The following FGF13 variants were observed in gnomAD, a reference collection of about 807,000 sequenced individuals.
FGF13 encodes the protein fibroblast growth factor homologous factor 2.
FGF13 carries 2 observed loss-of-function variants against 19.5 expected under a neutral mutation model. The ratio of observed to expected loss-of-function variants is 0.10; its 90% confidence interval spans 0.04 to 0.32. FGF13 has a LOEUF of 0.32. Among genes scored for constraint, FGF13 ranks in the 10% least tolerant of loss-of-function variants. The pLI is 1.00. For missense variants in FGF13, 113 were observed against 192.7 expected (o/e 0.59, Z 2.45); for synonymous variants, 72 against 76.9 (o/e 0.94, Z 0.33).
intron 3 of FGF13, among the ~76,000 whole-genome samples, chrX:138,832,172 T>C (rs1181547466): frequency 8.9e-6 from 1 of 112,438 alleles, no homozygotes. Flanking sequence ...TTTCAGTATA[T>C]ATCCAGTAAT....
At chrX:139,043,288 T>C (rs774604476) in intron 1 of FGF13, among the ~76,000 whole-genome samples, 2 of 110,865 alleles carry the variant, frequency 1.8e-5, no homozygotes, top group East Asian at 2.8e-4. Context: ...CTCGGCTCAC[T>C]GCAACCCCCG....
chrX:139,100,793 C>T (rs1020712357), intron 1 of FGF13, among the ~76,000 whole-genome samples: 2 of 111,207 alleles, frequency 1.8e-5, no homozygotes, highest in Non-Finnish European at 1.9e-5. Flanking sequence ...TTCACGGATG[C>T]AATCTCTTGT....
chrX:138,683,483 T>C (rs1009300492), intron 3 of FGF13, among the ~76,000 whole-genome samples: 3 of 110,348 alleles, frequency 2.7e-5, no homozygotes, highest in Non-Finnish European at 3.8e-5. Context: ...TCTTGTTGTA[T>C]AGGGTATTGA....
chrX:139,003,580 T>C (rs1216787783), intron 1 of FGF13, among the ~76,000 whole-genome samples: 1 of 106,151 alleles, frequency 9.4e-6, no homozygotes, highest in Non-Finnish European at 1.9e-5. Flanking sequence ...ATCCCTGAGC[T>C]AGATAAAAAG....
intron 1 of FGF13, among the ~76,000 whole-genome samples, chrX:139,059,430 AAGAGAG>A (rs769992893): frequency 1.1e-4 from 12 of 107,398 alleles, no homozygotes; most frequent in Middle Eastern, 4.7e-3. Flanking sequence ...TTAAAAAAAA[AAGAGAG>A]AGAGAGAGAG....
intron 3 of FGF13, among the ~76,000 whole-genome samples, chrX:138,822,262 G>A (rs2091004393): frequency 8.9e-6 from 1 of 111,996 alleles, no homozygotes; most frequent in African/African-American, 3.2e-5. Flanking sequence ...ACATAGTAAT[G>A]CTACGGATTG....
chrX:138,663,181 C>T (rs998347638), intron 3 of FGF13, among the ~76,000 whole-genome samples: 3 of 111,316 alleles, frequency 2.7e-5, no homozygotes, highest in South Asian at 3.8e-4. Flanking sequence ...ATTAATATTA[C>T]GCATCACAGT....
At chrX:138,835,343 G>A (rs2091104441) in intron 3 of FGF13, among the ~76,000 whole-genome samples, 2 of 112,012 alleles carry the variant, frequency 1.8e-5, no homozygotes, top group African/African-American at 6.5e-5. Context: ...CCTGTGTTGG[G>A]TGCATAAATA....
chrX:138,712,619 G>A (rs750926833), upstream of FGF13, among the ~76,000 whole-genome samples: 1 of 111,554 alleles, frequency 9.0e-6, no homozygotes, highest in East Asian at 2.8e-4. Context: ...GAGGTTTTGA[G>A]GCCAGAAATG....
rs1008673744 is a variant in FGF13, at chrX:139,000,543, C to T, written c.-112-135893G>A. Among the ~76,000 whole-genome samples, 7 of 111,430 alleles carry T rather than the reference C, an allele frequency of 6.3e-5. 1 individual carries two copies. The highest frequency in any genetic ancestry group is 1.3e-4 in the Non-Finnish European group (7 of 53,086). ...CACAAGCATTCCTATACACCAATAA[C>T]AGACAAACAGAGAGCAAAATCACCA... On this transcript the variant is annotated intron_variant, in intron 1 of 2. Coordinates refer to the FGF13 transcript ENST00000421460.
At chrX:138,881,238 T>C (rs1200210139) in intron 1 of FGF13, among the ~76,000 whole-genome samples, 2 of 111,895 alleles carry the variant, frequency 1.8e-5, no homozygotes, top group African/African-American at 3.2e-5. Flanking sequence ...TCATTATTGG[T>C]GTTTAGAGAT....
chrX:139,159,756 A>C (rs765808667), intron 1 of FGF13, among the ~76,000 whole-genome samples: 3 of 111,057 alleles, frequency 2.7e-5, no homozygotes, highest in Non-Finnish European at 3.8e-5. Context: ...GCATTACATA[A>C]TCGTAAAGGG....
chrX:139,115,299 T>C (rs2083631840), intron 1 of FGF13, among the ~76,000 whole-genome samples: 2 of 112,398 alleles, frequency 1.8e-5, no homozygotes, highest in Admixed American at 1.9e-4. Context: ...AAAGCTCCCA[T>C]TTTATTCAGT....
chrX:139,042,873 A>G (rs989377475), intron 1 of FGF13, among the ~76,000 whole-genome samples: 15 of 111,989 alleles, frequency 1.3e-4, no homozygotes, highest in Non-Finnish European at 2.8e-4. Context: ...GATTTCATTA[A>G]AAATTAGTGC....
At chrX:138,749,157 G>A in intron 3 of FGF13, among the ~76,000 whole-genome samples, 1 of 110,925 alleles carries the variant, frequency 9.0e-6, no homozygotes, top group Non-Finnish European at 1.9e-5. Flanking sequence ...TTGGTTGGGG[G>A]TTGGGAGGTT....
chrX:138,982,985 G>A (rs1301678460), intron 1 of FGF13, among the ~76,000 whole-genome samples: 1 of 111,837 alleles, frequency 8.9e-6, no homozygotes, highest in Non-Finnish European at 1.9e-5. Flanking sequence ...CTATTCAGTT[G>A]TAGGAGTTCT....
upstream of FGF13, chrX:139,203,968 G>T: frequency 1.0e-6 from 1 of 979,502 alleles, no homozygotes; most frequent in Non-Finnish European, 1.5e-6. Flanking sequence ...CTCCGGGAAG[G>T]AGGCAAGGAG....
At chrX:138,900,089 G>C (rs2091524329) in intron 1 of FGF13, among the ~76,000 whole-genome samples, 1 of 111,378 alleles carries the variant, frequency 9.0e-6, no homozygotes, top group Admixed American at 9.5e-5. Context: ...GTCCTACCAG[G>C]CCTGGTAAGT....
At chrX:139,097,552 CAA>C (rs112478207) in intron 1 of FGF13, among the ~76,000 whole-genome samples, 24 of 104,226 alleles carry the variant, frequency 2.3e-4, no homozygotes, top group African/African-American at 7.7e-4. Flanking sequence ...GAAAAGGTGG[CAA>C]AAAAAAAGGG....
Sources: gnomAD v4.1 joint callset for allele counts (sites outside exome capture counted in the v4.1 genomes callset) on GRCh38, gnomAD v4.1.1 for gene constraint, MANE v1.5 for transcripts, NCBI Gene and HGNC (gene_info 2026-07-23, HGNC 2026-07-21) for gene names.